INTS8: variants seen among roughly 807,000 people sequenced by gnomAD.
INTS8 encodes the protein protein kaonashi-1.
INTS8 carries 47 observed loss-of-function variants against 138.9 expected under a neutral mutation model. The ratio of observed to expected loss-of-function variants is 0.34; its 90% CI spans 0.27 to 0.43. The LOEUF (loss-of-function observed/expected upper bound fraction) is 0.43, where lower values mean the gene tolerates loss of function less well. INTS8 is among the 20% of genes least tolerant of loss of function. INTS8 has a pLI of 1.00. For synonymous variants in INTS8, 392 were observed against 400.9 expected, an observed-to-expected ratio of 0.98 and a Z score of 0.27; for missense variants, 996 against 1,173.0, an observed-to-expected ratio of 0.85 and a Z score of 2.20.
intron 2 of INTS8, 50 bp from the exon 3 acceptor site, chr8:94,827,213 G>T: frequency 1.3e-6 from 2 of 1,533,464 alleles, no homozygotes; most frequent in Non-Finnish European, 1.8e-6. Context: ...TATGTATTTT[G>T]TGTTTCTTTC....
rs1382972466 is a variant in INTS8, at chr8:94,827,808, A to G, written c.518+15A>G. 15 of 1,604,704 alleles carry G rather than the reference A, an allele frequency of 9.3e-6. No homozygotes were observed. The highest frequency in any genetic ancestry group is 2.2e-5 in the South Asian group (2 of 90,328). Reference sequence around the variant, plus strand: ...CAGTTAAGTGTGTAAGTTGGTGGCTATGACCTTTACTTGGCACTTTTTTCA... The same window carrying G: ...CAGTTAAGTGTGTAAGTTGGTGGCTGTGACCTTTACTTGGCACTTTTTTCA... On this transcript the variant is annotated intron_variant, in intron 4 of 26. Transcript: ENST00000523731.
chr8:94,851,578 G>T lies in INTS8; in HGVS notation c.1533G>T (p.Gln511His). The T allele has an allele frequency of 6.3e-7, 1 of 1,592,446 alleles. No homozygotes were observed. The change falls in exon 13 of 27, where the codon CAG (glutamine) becomes CAT (histidine). Residue 511 changes from glutamine to histidine, a missense_variant. Transcript: ENST00000523731. Reference sequence around the variant, plus strand: ...CTTCAGCAAGTGTCAACATTGGTCAGTTAGAGCATCAACTTATATTGTCAG... The same window carrying T: ...CTTCAGCAAGTGTCAACATTGGTCATTTAGAGCATCAACTTATATTGTCAG... ...IPASASVNIG[Q>H]LEHQLILSVD...
At chr8:94,823,672 C>G in intron 1 of INTS8, 111 bp downstream of exon 1, 1 of 843,690 alleles carries the variant, frequency 1.2e-6, no homozygotes. Flanking sequence ...CTGGGAGGCG[C>G]GCACAGGAGC....
At chr8:94,850,230 C>T (rs965990989) in intron 12 of INTS8, 139 bp downstream of exon 12, 23 of 607,700 alleles carry the variant, frequency 3.8e-5, no homozygotes, top group Middle Eastern at 2.8e-4. Flanking sequence ...ACCTGTCTTC[C>T]GTATCAGATT....
chr8:94,827,122 A>C, intron 2 of INTS8, 141 bp from the exon 3 acceptor site: 2 of 726,286 alleles, frequency 2.8e-6, no homozygotes, highest in East Asian at 2.6e-5. Context: ...AGAAAAAAAA[A>C]CTTTTTCACA....
intron 8 of INTS8, among the ~76,000 whole-genome samples, 166 bp from the exon 9 acceptor site, chr8:94,841,325 T>C (rs1203721274): frequency 6.6e-6 from 1 of 152,218 alleles, no homozygotes. Flanking sequence ...AGGGCTGTTT[T>C]TGCCCTTAAT....
rs142746627 is a variant in INTS8, at chr8:94,870,341, G to A, written c.2415-1543G>A. The stretch of plus-strand genomic sequence containing the variant: ...ACTGGTATTACAGGCGTGAGCCACC[G>A]CACCTGGCCTGAAATAATACATTTT... On this transcript the variant is annotated intron_variant, in intron 20 of 26. Coordinates refer to ENST00000523731, the MANE Select transcript of INTS8 (RefSeq NM_017864.4). Among the ~76,000 whole-genome samples, 905 of 152,218 alleles carry A rather than the reference G, an allele frequency of 5.9e-3. 1 individual carries two copies. Among genetic ancestry groups the A allele is most frequent in the Admixed American group, 9.0e-3 (137 of 15,272 alleles).
At chr8:94,836,454 A>G (rs1814930327) in intron 6 of INTS8, 70 bp from the exon 7 acceptor site, 2 of 1,134,280 alleles carry the variant, frequency 1.8e-6, no homozygotes, top group Non-Finnish European at 1.3e-6. Context: ...AGATAAAGAC[A>G]GTTTTGGTTC....
chr8:94,864,373 A>G (rs1052509126), intron 16 of INTS8, among the ~76,000 whole-genome samples: 6 of 152,138 alleles, frequency 3.9e-5, no homozygotes, highest in Admixed American at 6.6e-5. Flanking sequence ...TACAAGAGCG[A>G]TGGAGTATAA....
In INTS8 at chr8:94,859,659, G is replaced by T. The variant is rs765747531; in HGVS notation, c.2076+27G>T. 4.5e-6 allele frequency: 7 copies of T among 1,560,016 alleles called. No individual in the cohort carries two copies. In the East Asian group the frequency reaches 1.6e-4, roughly 35 times the overall value. ...TAGTTAATGTTTAAATAAAAGGATT[G>T]TTAGGATGGTATTATTATACTTGTT... On this transcript the variant is annotated intron_variant, in intron 16 of 26. Transcript: ENST00000523731.
intron 14 of INTS8, among the ~76,000 whole-genome samples, chr8:94,855,441 A>G (rs539607079): frequency 4.6e-5 from 7 of 152,336 alleles, no homozygotes; most frequent in African/African-American, 1.4e-4. Flanking sequence ...GCCACATCTT[A>G]TCTAGTGGCT....
rs574476903 is a variant in INTS8, at chr8:94,862,520, G to T, written c.2076+2888G>T. ...GTGTTTGTGTAATGAATGCTTGAGG[G>T]TCTGCAATGTGTAAGGACACAGGAA... On this transcript the variant is annotated intron_variant, in intron 16 of 26. Transcript: ENST00000523731. Among the ~76,000 whole-genome samples the T allele has an allele frequency of 8.5e-5, 13 of 152,308 alleles. No homozygotes were observed. In the East Asian group the frequency reaches 1.9e-3, roughly 23 times the overall value.
At position 94,866,268 on chromosome 8, in the gene INTS8, A is replaced by G. The variant is rs750308671; in HGVS notation, c.2295+77A>G. ...ATGACTAAAAATTATTGGGTACTTC[A>G]AATACTGACTAAATTATTATTTGTT... is the stretch of plus-strand genomic sequence containing the variant. On this transcript the variant is annotated intron_variant, in intron 18 of 26. Coordinates refer to ENST00000523731, the MANE Select transcript of INTS8 (RefSeq NM_017864.4). The G allele has an allele frequency of 1.7e-5, 13 of 769,780 alleles. No homozygotes were observed. The East Asian group carries it at 3.0e-4, about 18-fold the overall frequency. 47.7% of individuals were successfully genotyped at this position (769,780 alleles called of 1,614,324 possible).
intron 22 of INTS8, among the ~76,000 whole-genome samples, chr8:94,873,942 T>C (rs1018028661): frequency 3.3e-5 from 5 of 152,122 alleles, no homozygotes; most frequent in Admixed American, 6.6e-5. Context: ...TATTTTTTTT[T>C]CCTAATTTCT....
Position 94,836,536 on chromosome 8 carries a change from T to A in INTS8, c.766T>A (p.Leu256Met). 2 of 1,613,634 alleles carry A rather than the reference T, an allele frequency of 1.2e-6. No homozygotes were observed. Among genetic ancestry groups the A allele is most frequent in the Non-Finnish European group, 1.7e-6 (2 of 1,179,758 alleles). The stretch of plus-strand genomic sequence containing the variant: ...ATTATTATTTCAGGTGTGCTATGAT[T>A]TGGGCGCAGCATACTTCCAGCAAGG... Reference protein sequence around the residue: ...EEMQCQVCYDLGAAYFQQGST... With the variant: ...EEMQCQVCYDMGAAYFQQGST... The change falls in exon 7 of 27, where the codon TTG becomes ATG. Residue 256 changes from leucine (L) to methionine (M), a missense_variant. Leu to Met is a conservative substitution (Grantham distance 15). Transcript: ENST00000523731.
At chr8:94,833,678 G>A (rs751996732) in intron 6 of INTS8, among the ~76,000 whole-genome samples, 4 of 152,152 alleles carry the variant, frequency 2.6e-5, no homozygotes, top group African/African-American at 9.7e-5. Context: ...TATGTGCTAG[G>A]CAAACTATCA....
intron 10 of INTS8, among the ~76,000 whole-genome samples, chr8:94,847,442 G>A (rs1815371960): frequency 6.6e-6 from 1 of 152,032 alleles, no homozygotes; most frequent in Non-Finnish European, 1.5e-5. Context: ...TTTATTGTCT[G>A]GAAAAGTTTG....
rs1815552283 is a variant in INTS8 at position 94,851,687 on chromosome 8, G to A, written c.1641+1G>A. ...CCAGTTCTGGACAGTGTCTAATAAG[G>A]TAAACCCTATGTCAAGAACAGATAA... On this transcript the variant is annotated splice_donor_variant, in intron 13 of 26. Coordinates refer to ENST00000523731, the MANE Select transcript of INTS8 (RefSeq NM_017864.4). LOFTEE classifies it high-confidence loss of function. 1 of 1,582,474 alleles carries A rather than the reference G, an allele frequency of 6.3e-7. No homozygotes were observed. The highest frequency in any genetic ancestry group is 1.4e-5 in the African/African-American group (1 of 72,628).
chr8:94,866,642 G>A (rs1373339098), intron 18 of INTS8: 2 of 172,528 alleles, frequency 1.2e-5, no homozygotes, highest in Non-Finnish European at 2.5e-5. Flanking sequence ...ATCATTATTG[G>A]TGGGTGGGAT....
Sources: gnomAD v4.1 joint callset for allele counts (sites outside exome capture counted in the v4.1 genomes callset) on GRCh38, gnomAD v4.1.1 for gene constraint, MANE v1.5 for transcripts, NCBI Gene and HGNC (gene_info 2026-07-23, HGNC 2026-07-21) for gene names.